Variants in KCNK2 observed in about 807,000 individuals in gnomAD.
The protein encoded by KCNK2 is potassium channel subfamily K member 2.
A neutral mutation model predicts 40.5 loss-of-function variants in KCNK2; 21 were observed. The observed-to-expected ratio is 0.52, with a 90% confidence interval of 0.37 to 0.75. KCNK2 has a LOEUF of 0.75. Among genes scored for constraint, KCNK2 ranks in the 30% least tolerant of loss-of-function variants. The probability of loss-of-function intolerance (pLI) is 0.00; values close to 1 mark genes in which losing one functional copy is unlikely to be tolerated. For missense variants in KCNK2, 399 were observed against 531.6 expected (o/e 0.75, Z 2.45); for synonymous variants, 191 against 202.2 (o/e 0.94, Z 0.47).
intron 6 of KCNK2, among the ~76,000 whole-genome samples, chr1:215,228,159 C>T (rs746452473): frequency 1.3e-5 from 2 of 151,856 alleles, no homozygotes; most frequent in African/African-American, 2.4e-5. Context: ...TGTGATTATC[C>T]GGGGAGAATG....
intron 6 of KCNK2, among the ~76,000 whole-genome samples, chr1:215,201,093 C>G (rs988191551): frequency 5.3e-5 from 8 of 152,072 alleles, no homozygotes; most frequent in African/African-American, 1.9e-4. Context: ...AAAACAGAAC[C>G]TGGAGTAACA....
At chr1:215,067,819 C>G (rs968311526) in intron 1 of KCNK2, among the ~76,000 whole-genome samples, 1 of 151,996 alleles carries the variant, frequency 6.6e-6, no homozygotes, top group Non-Finnish European at 1.5e-5. Context: ...TGAGCCGACA[C>G]GGTGCCACTT....
intron 5 of KCNK2, among the ~76,000 whole-genome samples, chr1:215,191,811 G>A (rs1290260088): frequency 6.6e-6 from 1 of 152,180 alleles, no homozygotes; most frequent in African/African-American, 2.4e-5. Context: ...AAGAGCAGTG[G>A]AGTGAATATT....
intron 6 of KCNK2, among the ~76,000 whole-genome samples, chr1:215,201,104 C>T (rs961201655): frequency 6.6e-6 from 1 of 152,048 alleles, no homozygotes; most frequent in Non-Finnish European, 1.5e-5. Flanking sequence ...TGGAGTAACA[C>T]CTTCACTTAA....
intron 2 of KCNK2, among the ~76,000 whole-genome samples, chr1:215,119,176 G>A (rs1429119671): frequency 6.6e-6 from 1 of 152,114 alleles, no homozygotes; most frequent in African/African-American, 2.4e-5. Context: ...GCTGTTCCTT[G>A]GAGTTGGACT....
At chr1:215,203,505 A>G (rs1665165392) in intron 6 of KCNK2, among the ~76,000 whole-genome samples, 1 of 152,050 alleles carries the variant, frequency 6.6e-6, no homozygotes, top group Non-Finnish European at 1.5e-5. Context: ...ATTATCTCAA[A>G]TCAATTTTAT....
At position 215,219,309 on chromosome 1, in the gene KCNK2, G is replaced by C. The variant is rs190503029; in HGVS notation, c.964-15519G>C. ...CATATATGTTGCATGTGGCCTCTCT[G>C]AGGATATTTTGAAGATCCAATCCTG... is the stretch of plus-strand genomic sequence containing the variant. On this transcript the variant is annotated intron_variant, in intron 6 of 6. Transcript: ENST00000444842. Among the ~76,000 whole-genome samples the C allele has an allele frequency of 1.4e-4, 21 of 152,308 alleles. No homozygotes were observed. The East Asian group carries it at 4.0e-3, about 29-fold the overall frequency.
At chr1:215,041,355 G>A (rs1657555090) in intron 1 of KCNK2, among the ~76,000 whole-genome samples, 1 of 152,118 alleles carries the variant, frequency 6.6e-6, no homozygotes, top group African/African-American at 2.4e-5. Flanking sequence ...AGAGTGCCTG[G>A]TACATAGTAT....
chr1:215,023,911 A>C (rs1656900817), intron 1 of KCNK2, among the ~76,000 whole-genome samples: 1 of 152,096 alleles, frequency 6.6e-6, no homozygotes, highest in African/African-American at 2.4e-5. Flanking sequence ...TGCTGCCTTT[A>C]ATGTTCTTGT....
chr1:215,113,535 CA>C (rs1388626125), intron 2 of KCNK2, among the ~76,000 whole-genome samples: 1 of 152,178 alleles, frequency 6.6e-6, no homozygotes, highest in African/African-American at 2.4e-5. Flanking sequence ...TCCGGTCTTG[CA>C]CTGCTGTTTC....
Position 215,012,859 on chromosome 1 carries a change from G to T in KCNK2, c.34+6904G>T, listed in dbSNP as rs534412644. Among the ~76,000 whole-genome samples, 16 of 151,986 alleles carry T rather than the reference G, an allele frequency of 1.1e-4. No individual in the cohort carries two copies. In the East Asian group the frequency reaches 2.9e-3, roughly 28 times the overall value. ...CATTCCCTTAGCCATCTTTTATGGAGAAAAAGATTTTAGTTTTGATAAAGA... is the reference window on the plus strand; with the variant it reads ...CATTCCCTTAGCCATCTTTTATGGATAAAAAGATTTTAGTTTTGATAAAGA... On this transcript the variant is annotated intron_variant, in intron 1 of 6. Coordinates refer to the KCNK2 transcript ENST00000391895.
chr1:215,217,053 A>C (rs1169459208), intron 6 of KCNK2, among the ~76,000 whole-genome samples: 1 of 152,258 alleles, frequency 6.6e-6, no homozygotes, highest in East Asian at 1.9e-4. Context: ...GGACAATGAC[A>C]TAAATGTATC....
At chr1:215,123,227 A>AG (rs1362832307) in intron 2 of KCNK2, among the ~76,000 whole-genome samples, 1 of 150,774 alleles carries the variant, frequency 6.6e-6, no homozygotes, top group Non-Finnish European at 1.5e-5. Flanking sequence ...TATGGTAATA[A>AG]AAAAAACCTG....
intron 6 of KCNK2, among the ~76,000 whole-genome samples, chr1:215,229,596 C>G (rs1057048259): frequency 6.6e-6 from 1 of 151,076 alleles, no homozygotes; most frequent in East Asian, 2.0e-4. Context: ...CCCAGGAGGT[C>G]AAGGCTGCAG....
rs1666807154 is a variant in KCNK2 at position 215,234,713 on chromosome 1, A to C, written c.964-115A>C. The C allele has an allele frequency of 5.2e-6, 5 of 965,240 alleles. No individual in the cohort carries two copies. The South Asian group carries it at 8.0e-5, about 15-fold the overall frequency. 59.8% of individuals were successfully genotyped at this position (965,240 alleles called of 1,614,324 possible). ...ATTCTCAGACCACCAGTGCTGTAAAAGACTACTCCACTCTTCTTTTTAAAA... is the reference window on the plus strand; with the variant it reads ...ATTCTCAGACCACCAGTGCTGTAAACGACTACTCCACTCTTCTTTTTAAAA... On this transcript the variant is annotated intron_variant, in intron 6 of 6. Coordinates refer to ENST00000444842, the MANE Select transcript of KCNK2 (RefSeq NM_001017425.3).
At chr1:215,073,888 T>C (rs1658842741) in intron 1 of KCNK2, among the ~76,000 whole-genome samples, 1 of 152,204 alleles carries the variant, frequency 6.6e-6, no homozygotes, top group South Asian at 2.1e-4. Context: ...AGGATGTTTA[T>C]GGCCCTGGGA....
At position 215,172,080 on chromosome 1, in the gene KCNK2, G is replaced by C; in HGVS notation, c.720G>C (p.Leu240=). 5 of 1,613,444 alleles carry C rather than the reference G, an allele frequency of 3.1e-6. No individual in the cohort carries two copies. The highest frequency in any genetic ancestry group is 4.2e-6 in the Non-Finnish European group (5 of 1,179,666). Residue 240 remains leucine, a synonymous_variant, in exon 5 of 7, where the codon CTG becomes CTC. Transcript: ENST00000444842. ...ILFGCVLFVA[L]PAIIFKHIEG... ...TTGGCTGTGTACTCTTTGTGGCTCT[G>C]CCTGCGATCATATTCAAACACATAG... is the stretch of plus-strand genomic sequence containing the variant.
chr1:215,046,982 C>G (rs1357968173), intron 1 of KCNK2, among the ~76,000 whole-genome samples: 1 of 152,036 alleles, frequency 6.6e-6, no homozygotes, highest in Non-Finnish European at 1.5e-5. Flanking sequence ...GTTCTAGAAA[C>G]TATCTAAGAT....
intron 6 of KCNK2, among the ~76,000 whole-genome samples, chr1:215,223,570 CCT>C (rs1324285650): frequency 6.6e-6 from 1 of 151,916 alleles, no homozygotes; most frequent in African/African-American, 2.4e-5. Flanking sequence ...AAGGGAAGGC[CCT>C]GAGTCAAAGG....
Sources: gnomAD v4.1 joint callset for allele counts (sites outside exome capture counted in the v4.1 genomes callset) on GRCh38, gnomAD v4.1.1 for gene constraint, MANE v1.5 for transcripts, NCBI Gene and HGNC (gene_info 2026-07-23, HGNC 2026-07-21) for gene names.